TOX: variants seen among roughly 807,000 people sequenced by gnomAD.
The protein encoded by TOX is thymocyte selection-associated high mobility group box protein TOX.
Under a neutral mutation model 53.7 loss-of-function variants are expected in TOX, and 11 were observed. That is an observed-to-expected ratio of 0.20 (90% CI 0.13 to 0.34). The LOEUF is 0.34. Among genes scored for constraint, TOX ranks in the 10% least tolerant of loss-of-function variants. The pLI is 1.00. For missense variants in TOX, 570 were observed against 664.6 expected, an observed-to-expected ratio of 0.86 and a Z score of 1.56; for synonymous variants, 225 against 245.3, an observed-to-expected ratio of 0.92 and a Z score of 0.77.
At chr8:58,857,330 C>T (rs745871046) in intron 3 of TOX, among the ~76,000 whole-genome samples, 3 of 152,102 alleles carry the variant, frequency 2.0e-5, no homozygotes, top group Non-Finnish European at 4.4e-5. Context: ...GGCAAAATGT[C>T]CTGCATGTCA....
At chr8:58,988,514 G>C (rs927787371) in intron 1 of TOX, among the ~76,000 whole-genome samples, 6 of 152,172 alleles carry the variant, frequency 3.9e-5, no homozygotes, top group Non-Finnish European at 7.3e-5. Flanking sequence ...AAGTCATGAT[G>C]AAACTAGGAC....
rs1805150809 is a variant in TOX, at chr8:59,118,591, T to C, written c.102+295A>G. Among the ~76,000 whole-genome samples the C allele has an allele frequency of 6.6e-6, 1 of 152,188 alleles. No homozygotes were observed. The highest frequency in any genetic ancestry group is 2.1e-4 in the South Asian group (1 of 4,824). ...AAAGTATTCCACGGTTTTCTCTTAT[T>C]ATTTTTTTAAACGCCCCCCGGCAAA... On this transcript the variant is annotated intron_variant, in intron 1 of 8. Transcript: ENST00000361421. The surrounding 1 kb of genome is among the most constrained non-coding windows in gnomAD (Gnocchi z 4.1).
chr8:59,097,651 C>CA (rs1232136791), intron 1 of TOX, among the ~76,000 whole-genome samples: 1 of 152,160 alleles, frequency 6.6e-6, no homozygotes, highest in Non-Finnish European at 1.5e-5. Context: ...TCAAATAACT[C>CA]AACAGTTAAC....
In TOX at chr8:58,851,172, C is replaced by CTG. The variant is rs71557736; in HGVS notation, c.693+351_693+352insCA. Among the ~76,000 whole-genome samples, 1 of 145,764 alleles carries CTG rather than the reference C, an allele frequency of 6.9e-6. No homozygotes were observed. Among genetic ancestry groups the CTG allele is most frequent in the African/African-American group, 2.6e-5 (1 of 38,048 alleles). ...TCTCTCTCTCTGTCTCTCTCTCTCT[C>CTG]TCTCTCTCTCTCTCACACACACACA... On this transcript the variant is annotated intron_variant, in intron 4 of 8. Transcript: ENST00000361421. This position sits in a 1 kb window ranked among gnomAD's most constrained non-coding sequence, Gnocchi z 4.4.
intron 1 of TOX, among the ~76,000 whole-genome samples, chr8:58,976,037 A>G (rs1296418293): frequency 1.3e-5 from 2 of 151,516 alleles, no homozygotes; most frequent in Admixed American, 1.3e-4. Context: ...GCACCACTGC[A>G]CTCTAGCCTG....
At chr8:58,826,581 C>T (rs35553018) in intron 6 of TOX, among the ~76,000 whole-genome samples, 10,909 of 152,198 alleles carry the variant, frequency 0.072, 513 homozygotes, top group Middle Eastern at 0.12. Flanking sequence ...GTGACTAATC[C>T]ACAAAACCAA....
chr8:58,972,485 T>G (rs1348717796), intron 1 of TOX, among the ~76,000 whole-genome samples: 2 of 152,192 alleles, frequency 1.3e-5, no homozygotes, highest in Non-Finnish European at 2.9e-5. Context: ...CATGAAAATA[T>G]AAGGTTATAC....
chr8:59,010,745 C>A (rs1004679995), intron 1 of TOX, among the ~76,000 whole-genome samples: 3 of 152,144 alleles, frequency 2.0e-5, no homozygotes, highest in Non-Finnish European at 4.4e-5. Context: ...GTGCTATTAT[C>A]CACTTTTTCT....
At chr8:58,999,638 T>A (rs1813651886) in intron 1 of TOX, among the ~76,000 whole-genome samples, 1 of 152,110 alleles carries the variant, frequency 6.6e-6, no homozygotes, top group Admixed American at 6.5e-5. Flanking sequence ...AGAAGACAGA[T>A]CCTTTCATGA....
chr8:58,824,753 G>C (rs929127519), intron 6 of TOX, among the ~76,000 whole-genome samples: 2 of 152,280 alleles, frequency 1.3e-5, no homozygotes, highest in East Asian at 3.9e-4. Flanking sequence ...GAAAGAGAAA[G>C]TTCTTCAAGT....
intron 3 of TOX, among the ~76,000 whole-genome samples, chr8:58,895,375 TAA>T (rs1022700820): frequency 2.0e-5 from 3 of 152,202 alleles, no homozygotes; most frequent in African/African-American, 7.2e-5. Flanking sequence ...CAATTATATA[TAA>T]GCAAACGTAT....
At chr8:59,108,647 A>G (rs1420701105) in intron 1 of TOX, among the ~76,000 whole-genome samples, 18 of 135,172 alleles carry the variant, frequency 1.3e-4, no homozygotes, top group South Asian at 6.8e-4. Context: ...TTCCTAAATC[A>G]TAAAGGAAAC....
chr8:59,051,454 TA>T (rs1803787528), intron 1 of TOX, among the ~76,000 whole-genome samples: 1 of 152,228 alleles, frequency 6.6e-6, no homozygotes, highest in Admixed American at 6.5e-5. Context: ...CATTTTAGTT[TA>T]AAATTGCGCC....
chr8:59,050,467 C>T (rs892925370), intron 1 of TOX, among the ~76,000 whole-genome samples: 1 of 152,010 alleles, frequency 6.6e-6, no homozygotes, highest in Non-Finnish European at 1.5e-5. Flanking sequence ...TGATCTAGTA[C>T]TTAAAGAGCC....
intron 1 of TOX, among the ~76,000 whole-genome samples, chr8:59,002,315 G>A (rs1246652216): frequency 6.6e-6 from 1 of 150,612 alleles, no homozygotes; most frequent in African/African-American, 2.4e-5. Context: ...ACATAGGGCC[G>A]GGCACAGTGG....
chr8:59,102,259 G>C (rs1257305247), intron 1 of TOX, among the ~76,000 whole-genome samples: 1 of 150,942 alleles, frequency 6.6e-6, no homozygotes, highest in East Asian at 1.9e-4. Flanking sequence ...ATGGAGTCTT[G>C]CTTTGTCCCC....
chr8:58,828,836 T>G (rs910720694), intron 5 of TOX, among the ~76,000 whole-genome samples: 1 of 152,188 alleles, frequency 6.6e-6, no homozygotes, highest in Non-Finnish European at 1.5e-5. Context: ...ACCTCAAAAC[T>G]TTCAAGAGGG....
chr8:59,103,151 C>G (rs545151826), intron 1 of TOX, among the ~76,000 whole-genome samples: 2 of 152,124 alleles, frequency 1.3e-5, no homozygotes, highest in Non-Finnish European at 2.9e-5. Flanking sequence ...GCCTGGGGCA[C>G]CAGCAACTAT....
intron 3 of TOX, among the ~76,000 whole-genome samples, chr8:58,866,343 TAAAAA>T (rs1811101496): frequency 6.6e-6 from 1 of 152,154 alleles, no homozygotes. Flanking sequence ...TGCCAGACAC[TAAAAA>T]GGATAAATTA....
Sources: gnomAD v4.1 joint callset for allele counts (sites outside exome capture counted in the v4.1 genomes callset) on GRCh38, gnomAD v4.1.1 for gene constraint, Gnocchi (gnomAD v3.1) non-coding constraint, MANE v1.5 for transcripts, NCBI Gene and HGNC (gene_info 2026-07-23, HGNC 2026-07-21) for gene names.